The following ST18 variants were observed in gnomAD, a reference collection of about 807,000 sequenced individuals.
ST18 encodes suppression of tumorigenicity 18 protein.
A neutral mutation model predicts 110.0 loss-of-function variants in ST18; 50 were observed. The observed-to-expected ratio is 0.45, with a 90% confidence interval of 0.36 to 0.58. The LOEUF (loss-of-function observed/expected upper bound fraction) is 0.58, where lower values mean the gene tolerates loss of function less well. ST18 is among the 20% of genes least tolerant of loss of function. The pLI is 0.00. For synonymous variants in ST18, 461 were observed against 452.4 expected (o/e 1.02, Z -0.24); for missense variants, 1,306 against 1,280.1 (o/e 1.02, Z -0.31).
intron 2 of ST18, among the ~76,000 whole-genome samples, chr8:52,324,134 G>A (rs1805216989): frequency 6.6e-6 from 1 of 152,180 alleles, no homozygotes; most frequent in Admixed American, 6.5e-5. Context: ...GATGGTGGTG[G>A]TTGGTGTTTG....
chr8:52,367,197 C>T (rs958222160), intron 2 of ST18, among the ~76,000 whole-genome samples: 4 of 137,384 alleles, frequency 2.9e-5, no homozygotes, highest in Admixed American at 8.0e-5. Flanking sequence ...GAGATCGTGC[C>T]AGTGCACTCC....
chr8:52,198,414 CA>C (rs1364275309), intron 8 of ST18, among the ~76,000 whole-genome samples: 1 of 152,036 alleles, frequency 6.6e-6, no homozygotes, highest in Admixed American at 6.6e-5. Flanking sequence ...TTTCTGCACA[CA>C]AAAAACTAAA....
In ST18 at chr8:52,400,762, T is replaced by C. The variant is rs76419412; in HGVS notation, c.-465+8566A>G. ...TTTGTTGTCACAATTTACATATTTT[T>C]ATATCGCATATTTCTTAGCAACTTA... On this transcript the variant is annotated intron_variant, in intron 2 of 25. Transcript: ENST00000689386. Among the ~76,000 whole-genome samples the C allele has an allele frequency of 5.6e-3, 853 of 152,280 alleles. 11 individuals carry two copies. The highest frequency in any genetic ancestry group is 0.02 in the African/African-American group (825 of 41,572).
chr8:52,309,222 A>G (rs1270776092), intron 2 of ST18, among the ~76,000 whole-genome samples: 1 of 152,220 alleles, frequency 6.6e-6, no homozygotes, highest in Non-Finnish European at 1.5e-5. Flanking sequence ...TAATGATGCT[A>G]GAAATCAAGC....
intron 2 of ST18, among the ~76,000 whole-genome samples, chr8:52,403,039 T>C (rs915788120): frequency 6.6e-6 from 1 of 152,104 alleles, no homozygotes; most frequent in Non-Finnish European, 1.5e-5. Flanking sequence ...ATTGGGCTGG[T>C]TCAGGCACTG....
chr8:52,136,699 A>G (rs770727464), intron 18 of ST18, 41 bp from the exon 19 acceptor site: 2 of 1,538,616 alleles, frequency 1.3e-6, no homozygotes, highest in Non-Finnish European at 1.8e-6. Context: ...CAACACTGAC[A>G]TATACAAATC....
At chr8:52,365,440 A>G (rs1454521168) in intron 2 of ST18, among the ~76,000 whole-genome samples, 1 of 152,196 alleles carries the variant, frequency 6.6e-6, no homozygotes. Flanking sequence ...AGTTGAGTTA[A>G]GAGTTAGGAA....
chr8:52,161,539 T>C lies in ST18; in HGVS notation c.1430A>G (p.Asn477Ser). 3.1e-6 allele frequency: 5 copies of C among 1,614,102 alleles called. No homozygotes were observed. The highest frequency in any genetic ancestry group is 4.2e-6 in the Non-Finnish European group (5 of 1,180,012). The change falls in exon 14 of 26, where the codon AAT becomes AGT. Residue 477 changes from asparagine (N) to serine (S), a missense_variant. Transcript: ENST00000689386. ...AGAGGTGATGGCTTGTGACGGGAAA[T>C]TGAATTCAATTTGCTTCACCAAACT... ...RTSLVKQIEF[N>S]FPSQAITSPR...
chr8:52,347,031 T>G (rs754460788), intron 2 of ST18, among the ~76,000 whole-genome samples: 5 of 152,238 alleles, frequency 3.3e-5, no homozygotes, highest in African/African-American at 4.8e-5. Context: ...AAGAGTTCAT[T>G]TGACCTTGAT....
At chr8:52,374,181 C>A (rs1455175303) in intron 2 of ST18, among the ~76,000 whole-genome samples, 1 of 152,144 alleles carries the variant, frequency 6.6e-6, no homozygotes, top group Non-Finnish European at 1.5e-5. Flanking sequence ...AGGGTCTTTG[C>A]AGATGTAATG....
chr8:52,200,157 T>C (rs2077474564), intron 8 of ST18, among the ~76,000 whole-genome samples: 2 of 150,746 alleles, frequency 1.3e-5, no homozygotes, highest in South Asian at 4.2e-4. Context: ...AGTTAAGAGA[T>C]TCCTGCTCCA....
chr8:52,325,526 T>C (rs553823493), intron 2 of ST18, among the ~76,000 whole-genome samples: 2 of 152,198 alleles, frequency 1.3e-5, no homozygotes, highest in Non-Finnish European at 2.9e-5. Flanking sequence ...CCTGAAAGCT[T>C]AATTAGAACA....
intron 2 of ST18, among the ~76,000 whole-genome samples, chr8:52,331,056 C>G (rs1178221418): frequency 6.6e-6 from 1 of 152,152 alleles, no homozygotes; most frequent in Non-Finnish European, 1.5e-5. Flanking sequence ...AACAGTTTCC[C>G]TGGCTGCAGT....
intron 2 of ST18, among the ~76,000 whole-genome samples, chr8:52,319,720 G>C (rs1448402093): frequency 6.6e-6 from 1 of 152,120 alleles, no homozygotes; most frequent in Non-Finnish European, 1.5e-5. Flanking sequence ...TCTCGGTTGA[G>C]GTTGCTTGTT....
chr8:52,141,012 A>T, intron 17 of ST18, among the ~76,000 whole-genome samples: 1 of 152,200 alleles, frequency 6.6e-6, no homozygotes, highest in East Asian at 1.9e-4. Context: ...GTGACTTCTA[A>T]GGTCTCAAGT....
intron 24 of ST18, among the ~76,000 whole-genome samples, chr8:52,116,909 G>A (rs1174680949): frequency 6.6e-6 from 1 of 151,960 alleles, no homozygotes; most frequent in Admixed American, 6.6e-5. Flanking sequence ...CCTTCTCGTG[G>A]GTGGCCTTGT....
At chr8:52,203,021 G>A (rs1290681361) in intron 8 of ST18, among the ~76,000 whole-genome samples, 3 of 152,136 alleles carry the variant, frequency 2.0e-5, no homozygotes, top group Non-Finnish European at 4.4e-5. Context: ...TAAACATACA[G>A]GGGTAGATAA....
chr8:52,262,927 T>C (rs1589416802), intron 2 of ST18, among the ~76,000 whole-genome samples: 1 of 152,222 alleles, frequency 6.6e-6, no homozygotes, highest in Non-Finnish European at 1.5e-5. Flanking sequence ...AAAACTCTTA[T>C]CAAAAGGGGC....
intron 2 of ST18, among the ~76,000 whole-genome samples, chr8:52,341,416 A>G (rs919779479): frequency 2.6e-5 from 4 of 152,166 alleles, no homozygotes; most frequent in African/African-American, 7.2e-5. Flanking sequence ...CTGCACATCT[A>G]TTTGTGTTGA....
Sources: gnomAD v4.1 joint callset for allele counts (sites outside exome capture counted in the v4.1 genomes callset) on GRCh38, gnomAD v4.1.1 for gene constraint, MANE v1.5 for transcripts, NCBI Gene and HGNC (gene_info 2026-07-23, HGNC 2026-07-21) for gene names.